The following TMA16 variants were observed in gnomAD, a reference collection of about 807,000 sequenced individuals.
The protein encoded by TMA16 is translation machinery associated 16 homolog.
A neutral mutation model predicts 27.1 loss-of-function variants in TMA16; 26 were observed. The observed-to-expected ratio is 0.96, with a 90% CI of 0.70 to 1.33. TMA16 has a LOEUF of 1.33. Among genes scored for constraint, TMA16 ranks in the 40% most tolerant of loss-of-function variants. The pLI is 0.00. For missense variants in TMA16, 233 were observed against 241.4 expected (o/e 0.97, Z 0.23); for synonymous variants, 71 against 81.9 (o/e 0.87, Z 0.72).
intron 6 of TMA16, among the ~76,000 whole-genome samples, 161 bp from the exon 7 acceptor site, chr4:163,519,173 A>G (rs765892944): frequency 1.2e-4 from 19 of 152,296 alleles, no homozygotes; most frequent in South Asian, 1.2e-3. Context: ...ATGAAAGAAT[A>G]GAACAGCTTT....
At chr4:163,498,381 G>A (rs891763121) in intron 1 of TMA16, among the ~76,000 whole-genome samples, 36 of 149,314 alleles carry the variant, frequency 2.4e-4, no homozygotes, top group Admixed American at 4.1e-4. Context: ...TCTGCCTCCC[G>A]GGTTCACGCC....
rs1372932163 is a variant in TMA16, at chr4:163,499,362, T to C, written c.3+4558T>C. Among the ~76,000 whole-genome samples the C allele has an allele frequency of 2.6e-5, 4 of 152,312 alleles. No homozygotes were observed. The South Asian group carries it at 6.2e-4, about 24-fold the overall frequency. On this transcript the variant is annotated intron_variant, in intron 1 of 6. Transcript: ENST00000358572. ...AATCTTCTGAATTTTATATAATGTT[T>C]AGAAAGACCTTTCTCTGAGACTCCT...
chr4:163,498,368 A>C (rs2110787483), intron 1 of TMA16, among the ~76,000 whole-genome samples: 1 of 150,420 alleles, frequency 6.6e-6, no homozygotes, highest in African/African-American at 2.4e-5. Context: ...GCTCACTGCA[A>C]GCTCTGCCTC....
At chr4:163,500,923 T>A (rs1049981607) in intron 1 of TMA16, among the ~76,000 whole-genome samples, 14 of 152,242 alleles carry the variant, frequency 9.2e-5, no homozygotes, top group Admixed American at 2.6e-4. Flanking sequence ...AGGCAAGTAC[T>A]ATTGTATTTA....
At chr4:163,501,638 T>C (rs1224974948) in intron 1 of TMA16, among the ~76,000 whole-genome samples, 6 of 152,212 alleles carry the variant, frequency 3.9e-5, no homozygotes, top group Admixed American at 3.3e-4. Context: ...TCCAGAGATA[T>C]ACAGTGATGC....
Position 163,507,104 on chromosome 4 carries a change from T to C in TMA16, c.75T>C (p.Ala25=). The C allele has an allele frequency of 6.3e-7, 1 of 1,591,738 alleles. No homozygotes were observed. The highest frequency in any genetic ancestry group is 8.6e-7 in the Non-Finnish European group (1 of 1,167,852). ...TCCATCCATATAGTAGAAAAGCAGC[T>C]CAAATTACGAGAGAGGCCCACAAAC... ...KVIHPYSRKA[A]QITREAHKQE... The change falls in exon 2 of 7, where the codon GCT becomes GCC. Residue 25 remains alanine, a synonymous_variant. Coordinates refer to ENST00000358572, the MANE Select transcript of TMA16 (RefSeq NM_018352.3).
intron 1 of TMA16, 166 bp downstream of exon 1, chr4:163,494,970 G>A: frequency 1.0e-6 from 1 of 1,002,506 alleles, no homozygotes; most frequent in Non-Finnish European, 1.5e-6. Context: ...TCTGGGAGGC[G>A]AGTCCCAGGC....
At position 163,519,530 on chromosome 4, in the gene TMA16, T is replaced by A; in HGVS notation, c.*16T>A. ...AGTGGCCTAATTGTCTTCACTTGAA[T>A]TGAAAATAAATAATTTGAGAGCTTC... On this transcript the variant is annotated 3_prime_UTR_variant, in exon 7 of 7. Transcript: ENST00000358572. The A allele has an allele frequency of 6.5e-7, 1 of 1,539,674 alleles. No homozygotes were observed. Among genetic ancestry groups the A allele is most frequent in the South Asian group, 1.3e-5 (1 of 77,678 alleles).
At chr4:163,516,305 A>G (rs546949832) in intron 5 of TMA16, among the ~76,000 whole-genome samples, 4 of 152,328 alleles carry the variant, frequency 2.6e-5, no homozygotes, top group Admixed American at 2.6e-4. Flanking sequence ...GGAAATTGTC[A>G]CCAAATTCTG....
chr4:163,497,930 T>C (rs1737582569), intron 1 of TMA16, among the ~76,000 whole-genome samples: 1 of 152,212 alleles, frequency 6.6e-6, no homozygotes, highest in African/African-American at 2.4e-5. Context: ...GTTAACAGTT[T>C]CTTAGCTATC....
intron 1 of TMA16, among the ~76,000 whole-genome samples, chr4:163,500,662 C>G (rs1374982418): frequency 6.6e-6 from 1 of 152,208 alleles, no homozygotes; most frequent in Non-Finnish European, 1.5e-5. Context: ...GGGACTGGCA[C>G]AGAGTTTTTG....
chr4:163,506,968 TA>T, intron 1 of TMA16, 64 bp from the exon 2 acceptor site: 1 of 1,262,840 alleles, frequency 7.9e-7, no homozygotes, highest in Admixed American at 2.7e-5. Context: ...TTGTAAAGAA[TA>T]TTTTTGGGAC....
intron 6 of TMA16, 114 bp from the exon 7 acceptor site, chr4:163,519,220 T>C: frequency 3.2e-6 from 3 of 947,436 alleles, no homozygotes; most frequent in Non-Finnish European, 4.5e-6. Flanking sequence ...TTTAACGCTT[T>C]TGAAGTTTTG....
chr4:163,514,409 T>TG (rs1226256821), intron 4 of TMA16, among the ~76,000 whole-genome samples: 1 of 151,874 alleles, frequency 6.6e-6, no homozygotes, highest in African/African-American at 2.4e-5. Context: ...AGCTGAAAGG[T>TG]GGGGGTTAGC....
chr4:163,512,700 T>C, intron 2 of TMA16, 122 bp from the exon 3 acceptor site: 2 of 601,318 alleles, frequency 3.3e-6, no homozygotes, highest in Non-Finnish European at 5.8e-6. Context: ...ATTCTCAAAT[T>C]TGTAAAAGAA....
chr4:163,507,113 G>T lies in TMA16; in HGVS notation c.84G>T (p.Thr28=). The change falls in exon 2 of 7, where the codon ACG becomes ACT. Residue 28 remains threonine, a synonymous_variant. Coordinates refer to ENST00000358572, the MANE Select transcript of TMA16 (RefSeq NM_018352.3). ...HPYSRKAAQI[T]REAHKQEKKE... is the part of the protein sequence containing the mutation. ...ATAGTAGAAAAGCAGCTCAAATTACGAGAGAGGCCCACAAACAAGAAAAAA... is the reference window on the plus strand; with the variant it reads ...ATAGTAGAAAAGCAGCTCAAATTACTAGAGAGGCCCACAAACAAGAAAAAA... The T allele has an allele frequency of 1.3e-6, 2 of 1,588,706 alleles. No homozygotes were observed. Among genetic ancestry groups the T allele is most frequent in the Non-Finnish European group, 1.7e-6 (2 of 1,166,170 alleles).
chr4:163,494,770 C>T lies in TMA16; in HGVS notation c.-32C>T, dbSNP rs372448573. ...GGTGAGATTACCTGGGTCTAGAGTG[C>T]GGAGCTGCTCCGTGGCCACGAGGAC... is the stretch of plus-strand genomic sequence containing the variant. On this transcript the variant is annotated 5_prime_UTR_variant, in exon 1 of 7. Coordinates refer to ENST00000358572, the MANE Select transcript of TMA16 (RefSeq NM_018352.3). 9.3e-6 allele frequency: 15 copies of T among 1,612,824 alleles called. No homozygotes were observed. The highest frequency in any genetic ancestry group is 1.3e-5 in the Non-Finnish European group (15 of 1,179,992).
chr4:163,512,898 T>C (rs1737819082), intron 3 of TMA16, 39 bp downstream of exon 3: 1 of 1,546,502 alleles, frequency 6.5e-7, no homozygotes, highest in Non-Finnish European at 8.9e-7. Flanking sequence ...GGCTAGAGTA[T>C]AGGGCATTTC....
intron 1 of TMA16, among the ~76,000 whole-genome samples, chr4:163,498,887 G>A (rs796649416): frequency 1.1e-3 from 166 of 152,076 alleles, no homozygotes; most frequent in African/African-American, 3.9e-3. Flanking sequence ...CGAACTTCTG[G>A]CTTCAAATGA....
Sources: allele counts gnomAD v4.1 joint callset (sites outside exome capture counted in the v4.1 genomes callset), GRCh38; gene constraint gnomAD v4.1.1; transcripts MANE v1.5; gene names NCBI Gene and HGNC (gene_info 2026-07-23, HGNC 2026-07-21).